The following NALF1 variants were observed in gnomAD, a reference collection of about 807,000 sequenced individuals.
NALF1 encodes the protein family with sequence similarity 155 member A.
A neutral mutation model predicts 48.4 loss-of-function variants in NALF1; 3 were observed. The ratio of observed to expected loss-of-function variants is 0.06; its 90% CI spans 0.03 to 0.16. The LOEUF is 0.16. Among genes scored for constraint, NALF1 ranks in the 10% least tolerant of loss-of-function variants. The pLI is 1.00. For synonymous variants in NALF1, 262 were observed against 245.7 expected, an observed-to-expected ratio of 1.07 and a Z score of -0.62; for missense variants, 526 against 571.5, an observed-to-expected ratio of 0.92 and a Z score of 0.81.
intron 2 of NALF1, among the ~76,000 whole-genome samples, chr13:107,208,658 C>T (rs767080057): frequency 5.9e-5 from 9 of 151,924 alleles, no homozygotes; most frequent in Non-Finnish European, 1.2e-4. Flanking sequence ...ACATAAAAAT[C>T]GAATAGCTTC....
intron 1 of NALF1, among the ~76,000 whole-genome samples, chr13:107,381,836 C>A (rs905876005): frequency 6.6e-5 from 10 of 152,132 alleles, no homozygotes; most frequent in African/African-American, 2.4e-4. Context: ...AGCTTTCCAT[C>A]CTGATCTCTT....
chr13:107,215,973 A>G (rs937348251), intron 1 of NALF1, among the ~76,000 whole-genome samples: 49 of 152,250 alleles, frequency 3.2e-4, no homozygotes, highest in Non-Finnish European at 5.9e-5. Flanking sequence ...CTGAAAAAAT[A>G]TCATGTTGGC....
intron 1 of NALF1, among the ~76,000 whole-genome samples, chr13:107,509,261 T>C (rs1875803626): frequency 6.6e-6 from 1 of 152,170 alleles, no homozygotes; most frequent in African/African-American, 2.4e-5. Context: ...CACACCAGTC[T>C]TGGAAATCTT....
intron 1 of NALF1, among the ~76,000 whole-genome samples, chr13:107,501,959 T>C (rs1414215174): frequency 6.6e-6 from 1 of 152,206 alleles, no homozygotes; most frequent in Non-Finnish European, 1.5e-5. Context: ...TTAAAAGGAC[T>C]GAATAAACCT....
At chr13:107,228,905 G>A (rs777902258) in intron 1 of NALF1, among the ~76,000 whole-genome samples, 12 of 152,158 alleles carry the variant, frequency 7.9e-5, no homozygotes, top group Middle Eastern at 3.4e-3. Flanking sequence ...ACAGGCATGA[G>A]CCACCACGCC....
At chr13:107,225,922 C>G (rs1880093881) in intron 1 of NALF1, among the ~76,000 whole-genome samples, 1 of 152,050 alleles carries the variant, frequency 6.6e-6, no homozygotes, top group South Asian at 2.1e-4. Context: ...TGCTTGTTTC[C>G]CTTACATTGG....
At chr13:107,814,024 G>C (rs1319609129) in intron 1 of NALF1, among the ~76,000 whole-genome samples, 1 of 152,142 alleles carries the variant, frequency 6.6e-6, no homozygotes, top group African/African-American at 2.4e-5. Context: ...AAGGAAACTA[G>C]AGGAGTATTA....
intron 1 of NALF1, among the ~76,000 whole-genome samples, chr13:107,840,294 A>G (rs1352254077): frequency 6.6e-6 from 1 of 152,222 alleles, no homozygotes; most frequent in Non-Finnish European, 1.5e-5. Context: ...TGTTAGCTAC[A>G]TATAACAACA....
In NALF1 at chr13:107,262,769, G is replaced by GCGCTCTCTCTCTCT. The variant is rs36027059; in HGVS notation, c.916-52015_916-52014insAGAGAGAGAGAGCG. 6.6e-4 allele frequency among the ~76,000 whole-genome samples: 95 copies of GCGCTCTCTCTCTCT among 144,116 alleles called. No homozygotes were observed. In the East Asian group the frequency reaches 0.016, roughly 24 times the overall value. The allele number at this position is 144,116 out of a possible 152,430, so 94.5% of individuals were successfully genotyped here. A position where few individuals can be genotyped will look rare whatever the true frequency, so the allele number is the denominator to read the frequency against. ...ATATTAAGTTGCATAACCCACAGGC[G>GCGCTCTCTCTCTCT]CTCTCTCTCTCTCTCTCTCTCTCTC... On this transcript the variant is annotated intron_variant, in intron 1 of 2. Transcript: ENST00000375915.
intron 1 of NALF1, among the ~76,000 whole-genome samples, chr13:107,717,033 T>C (rs1379878073): frequency 1.3e-5 from 2 of 152,162 alleles, no homozygotes; most frequent in African/African-American, 4.8e-5. Flanking sequence ...CCTGCTCCAG[T>C]GTGCTTAGCA....
chr13:107,537,944 C>G (rs1160443404), intron 1 of NALF1, among the ~76,000 whole-genome samples: 1 of 152,014 alleles, frequency 6.6e-6, no homozygotes, highest in East Asian at 1.9e-4. Context: ...CTTTAACTGG[C>G]AGGTGGAGGT....
intron 1 of NALF1, among the ~76,000 whole-genome samples, chr13:107,432,373 C>T (rs913695550): frequency 1.3e-5 from 2 of 152,124 alleles, no homozygotes; most frequent in African/African-American, 4.8e-5. Flanking sequence ...ATATTACTAT[C>T]ATCACAAATT....
intron 1 of NALF1, among the ~76,000 whole-genome samples, chr13:107,691,880 T>C (rs1008220871): frequency 6.6e-6 from 1 of 152,218 alleles, no homozygotes; most frequent in Non-Finnish European, 1.5e-5. Context: ...AAAAACTGTT[T>C]AAGCCACAAC....
chr13:107,664,280 C>T (rs1028332686), intron 1 of NALF1, among the ~76,000 whole-genome samples: 1 of 152,102 alleles, frequency 6.6e-6, no homozygotes, highest in Non-Finnish European at 1.5e-5. Context: ...TTCTACCTTC[C>T]GGTGAGACTT....
intron 1 of NALF1, among the ~76,000 whole-genome samples, chr13:107,751,341 A>G (rs1305846408): frequency 6.6e-6 from 1 of 152,200 alleles, no homozygotes; most frequent in Admixed American, 6.5e-5. Context: ...TGGAAAACTG[A>G]CCTTGAAGAA....
chr13:107,581,646 TATATTCC>T (rs1417001138), intron 1 of NALF1, among the ~76,000 whole-genome samples: 1 of 152,234 alleles, frequency 6.6e-6, no homozygotes, highest in Non-Finnish European at 1.5e-5. Flanking sequence ...AAAATGAGTG[TATATTCC>T]AATACATGTC....
In NALF1 at chr13:107,311,993, T is replaced by C. The variant is rs573043016; in HGVS notation, c.916-101238A>G. 3.3e-5 allele frequency among the ~76,000 whole-genome samples: 5 copies of C among 152,288 alleles called. No individual in the cohort carries two copies. In the East Asian group the frequency reaches 7.7e-4, roughly 24 times the overall value. ...TTGGTGGGACTGTAAACTAGTTTAA[T>C]CATTGTGGAAGTCAGTATGGCGATT... On this transcript the variant is annotated intron_variant, in intron 1 of 2. Transcript: ENST00000375915.
intron 1 of NALF1, among the ~76,000 whole-genome samples, chr13:107,293,144 C>T (rs912997049): frequency 1.3e-5 from 2 of 151,892 alleles, no homozygotes; most frequent in Non-Finnish European, 2.9e-5. Flanking sequence ...CCACACCTGG[C>T]TAATTTTTTG....
At chr13:107,357,067 A>G (rs571806496) in intron 1 of NALF1, among the ~76,000 whole-genome samples, 1 of 152,304 alleles carries the variant, frequency 6.6e-6, no homozygotes, top group Admixed American at 6.5e-5. Context: ...CTGAGATACA[A>G]TGGAGAACAT....
Sources: gnomAD v4.1 joint callset for allele counts (sites outside exome capture counted in the v4.1 genomes callset) on GRCh38, gnomAD v4.1.1 for gene constraint, MANE v1.5 for transcripts, NCBI Gene and HGNC (gene_info 2026-07-23, HGNC 2026-07-21) for gene names.